The following VWCE variants were observed in gnomAD, a reference collection of about 807,000 sequenced individuals.
VWCE encodes von Willebrand factor C and EGF domain-containing protein.
Under a neutral mutation model 102.9 loss-of-function variants are expected in VWCE, and 68 were observed. The observed-to-expected ratio is 0.66, with a 90% confidence interval of 0.54 to 0.81. VWCE has a LOEUF of 0.81. VWCE is among the 30% of genes least tolerant of loss of function. VWCE has a pLI of 0.00. For synonymous variants in VWCE, 497 were observed against 515.4 expected, an observed-to-expected ratio of 0.96 and a Z score of 0.48; for missense variants, 1,137 against 1,263.6, an observed-to-expected ratio of 0.90 and a Z score of 1.52.
In VWCE at chr11:61,281,907, G is replaced by T; in HGVS notation, c.666C>A (p.Asn222Lys). The T allele has an allele frequency of 6.2e-7, 1 of 1,613,226 alleles. No individual in the cohort carries two copies. Among genetic ancestry groups the T allele is most frequent in the South Asian group, 1.1e-5 (1 of 90,830 alleles). The change falls in exon 7 of 20, where the codon AAC becomes AAA. Residue 222 changes from asparagine (N) to lysine (K), a missense_variant. Around this residue, in one of 5 missense-constraint regions of VWCE, gnomAD observed 575 missense variants for 625.9 expected, o/e 0.92. Coordinates refer to ENST00000335613, the MANE Select transcript of VWCE (RefSeq NM_152718.2). ...GCCTCTCCAATGGCCTCCGACACTC[G>T]TTTACATCTGCGGGAGAGCCTCGCT... ...HGNRHSCVDV[N>K]ECRRPLERRV...
At position 61,273,224 on chromosome 11, in the gene VWCE, G is replaced by T; in HGVS notation, c.1674C>A (p.Thr558=). 6.2e-7 allele frequency: 1 copy of T among 1,613,884 alleles called. No individual in the cohort carries two copies. The highest frequency in any genetic ancestry group is 8.5e-7 in the Non-Finnish European group (1 of 1,179,962). Residue 558 remains threonine, a synonymous_variant, in exon 13 of 20, where the codon ACC becomes ACA. Coordinates refer to ENST00000335613, the MANE Select transcript of VWCE (RefSeq NM_152718.2). Reference sequence around the variant, plus strand: ...CTGTCGAGGGTGTGGGCTCCTGGCAGGTGAAGCAACACTGCCCAGGGCCCA... The same window carrying T: ...CTGTCGAGGGTGTGGGCTCCTGGCATGTGAAGCAACACTGCCCAGGGCCCA... ...WRLGPGQCCF[T]CQEPTPSTGC... is the part of the protein sequence containing the mutation.
Position 61,280,878 on chromosome 11 carries a change from C to A in VWCE, c.1145G>T (p.Gly382Val). The stretch of plus-strand genomic sequence containing the variant: ...TCCCAGGTGCCAGCAGGGAGAGGGC[C>A]CTGCTGCCAGTCGGGGGGACTCAGG... ...RGPESPRLAA[G>V]PSPCWHLGAM... The change falls in exon 8 of 20, where the codon GGG (glycine) becomes GTG (valine). Residue 382 changes from glycine to valine, a missense_variant. This residue lies in a region of VWCE where 575 missense variants were observed against 625.9 expected (regional missense o/e 0.92). Coordinates refer to ENST00000335613, the MANE Select transcript of VWCE (RefSeq NM_152718.2). 4 of 1,534,546 alleles carry A rather than the reference C, an allele frequency of 2.6e-6. No individual in the cohort carries two copies. The highest frequency in any genetic ancestry group is 2.6e-5 in the South Asian group (2 of 77,408).
In VWCE at chr11:61,281,920, G is replaced by A; in HGVS notation, c.659-6C>T. ...CCTCCGACACTCGTTTACATCTGCG[G>A]GAGAGCCTCGCTGCGGACAGCTGCT... On this transcript the variant is annotated splice_polypyrimidine_tract_variant and splice_region_variant and intron_variant, in intron 6 of 19. Transcript: ENST00000335613. 2 of 1,611,006 alleles carry A rather than the reference G, an allele frequency of 1.2e-6. No homozygotes were observed. The highest frequency in any genetic ancestry group is 1.7e-6 in the Non-Finnish European group (2 of 1,177,928).
intron 15 of VWCE, among the ~76,000 whole-genome samples, chr11:61,268,049 GT>G (rs1854563784): frequency 6.6e-6 from 1 of 151,744 alleles, no homozygotes; most frequent in Admixed American, 6.6e-5. Context: ...GTAAAAGCAG[GT>G]GATGAGACAG....
At chr11:61,283,779 C>T (rs1039210231) in intron 5 of VWCE, among the ~76,000 whole-genome samples, 3 of 152,202 alleles carry the variant, frequency 2.0e-5, no homozygotes, top group Non-Finnish European at 4.4e-5. Flanking sequence ...CTGTCTGCCT[C>T]GAATGCCTTT....
intron 11 of VWCE, among the ~76,000 whole-genome samples, chr11:61,276,061 T>C (rs185213807): frequency 6.6e-6 from 1 of 152,208 alleles, no homozygotes; most frequent in Admixed American, 6.5e-5. Context: ...ACTCCTCCAC[T>C]CACCCCACTC....
chr11:61,290,220 T>C (rs995014560), intron 4 of VWCE, among the ~76,000 whole-genome samples: 1 of 152,068 alleles, frequency 6.6e-6, no homozygotes, highest in African/African-American at 2.4e-5. Flanking sequence ...ATTCAGAAAC[T>C]CCCTAATGGG....
intron 14 of VWCE, among the ~76,000 whole-genome samples, chr11:61,271,002 T>C (rs1854677004): frequency 6.7e-6 from 1 of 150,204 alleles, no homozygotes; most frequent in Non-Finnish European, 1.5e-5. Context: ...TGTCACTACA[T>C]GCAGCTAATT....
At position 61,270,825 on chromosome 11, in the gene VWCE, C is replaced by CTT. The variant is rs1243630767; in HGVS notation, c.1785+848_1785+849dup. Among the ~76,000 whole-genome samples the CTT allele has an allele frequency of 8.5e-3, 1,144 of 134,230 alleles. 29 individuals carry two copies. The highest frequency in any genetic ancestry group is 0.029 in the African/African-American group (1,042 of 35,498). 88.1% of individuals were successfully genotyped at this position (134,230 alleles called of 152,430 possible). On this transcript the variant is annotated intron_variant, in intron 14 of 19. Coordinates refer to ENST00000335613, the MANE Select transcript of VWCE (RefSeq NM_152718.2). ...GCACATGCACACTGTGTTACACACACTTTTTTTTTTTTTTTTTTTTGAAAC... is the reference window on the plus strand; with the variant it reads ...GCACATGCACACTGTGTTACACACACTTTTTTTTTTTTTTTTTTTTTTGAAAC...
At position 61,259,035 on chromosome 11, in the gene VWCE, C is replaced by T. The variant is rs1288730446; in HGVS notation, c.2508G>A (p.Gly836=). The part of the protein sequence containing the change: ...LALGLTATFP[G]EPGASPRLSP... ...AGAGTCGAGGGGAGGCCCCAGGCTC[C>T]CCTGGGAAAGTGGCTGTCAGCCCCA... Residue 836 remains glycine, a synonymous_variant, in exon 20 of 20, where the codon GGG becomes GGA. Coordinates refer to ENST00000335613, the MANE Select transcript of VWCE (RefSeq NM_152718.2). The T allele has an allele frequency of 1.2e-6, 2 of 1,613,756 alleles. No individual in the cohort carries two copies. Among genetic ancestry groups the T allele is most frequent in the Non-Finnish European group, 1.7e-6 (2 of 1,179,866 alleles).
intron 4 of VWCE, among the ~76,000 whole-genome samples, chr11:61,286,797 A>G: frequency 7.3e-6 from 1 of 136,324 alleles, no homozygotes; most frequent in Non-Finnish European, 1.6e-5. Flanking sequence ...GCAAAACTCC[A>G]TCTCAGGAAA....
intron 12 of VWCE, 57 bp from the exon 13 acceptor site, chr11:61,273,373 G>T: frequency 1.3e-6 from 2 of 1,516,506 alleles, no homozygotes; most frequent in African/African-American, 1.4e-5. Context: ...GGGGACCATG[G>T]AGAGCTAGAG....
At chr11:61,286,102 C>T (rs534545194) in intron 5 of VWCE, among the ~76,000 whole-genome samples, 2 of 152,314 alleles carry the variant, frequency 1.3e-5, no homozygotes, top group African/African-American at 4.8e-5. Flanking sequence ...CAAACTCTGA[C>T]TCCACCTCTT....
intron 7 of VWCE, 132 bp from the exon 8 acceptor site, chr11:61,281,367 G>A: frequency 2.7e-6 from 3 of 1,094,220 alleles, no homozygotes; most frequent in Non-Finnish European, 3.9e-6. Context: ...ATTCTACTAT[G>A]TTTATGGGGA....
rs1287714614 is a variant in VWCE at position 61,258,593 on chromosome 11, T to C, written c.*82A>G. The C allele has an allele frequency of 1.6e-6, 2 of 1,287,664 alleles. No homozygotes were observed. The highest frequency in any genetic ancestry group is 1.5e-5 in the African/African-American group (1 of 65,784). The allele number at this position is 1,287,664 out of a possible 1,614,324, so 79.8% of individuals were successfully genotyped here. On this transcript the variant is annotated 3_prime_UTR_variant, in exon 20 of 20. Coordinates refer to ENST00000335613, the MANE Select transcript of VWCE (RefSeq NM_152718.2). ...GGGAGCCCAGGCATCCCCACCAGGTTCATCCTTGGAGCTGCCCTGCACACA... is the reference window on the plus strand; with the variant it reads ...GGGAGCCCAGGCATCCCCACCAGGTCCATCCTTGGAGCTGCCCTGCACACA...
At chr11:61,291,655 T>C in intron 1 of VWCE, 79 bp from the exon 2 acceptor site, 1 of 1,182,490 alleles carries the variant, frequency 8.5e-7, no homozygotes, top group Non-Finnish European at 1.1e-6. Flanking sequence ...CCAGCCAGTG[T>C]GTAAGTGAAT....
chr11:61,276,549 T>TA (rs71471819), intron 11 of VWCE, 44 bp downstream of exon 11: 74,013 of 1,128,404 alleles, frequency 0.066, 5 homozygotes, highest in Non-Finnish European at 0.07. Flanking sequence ...ACAAAAAATC[T>TA]AAAAAAAAAA....
At chr11:61,286,216 C>A in intron 5 of VWCE, 98 bp downstream of exon 5, 1 of 1,146,408 alleles carries the variant, frequency 8.7e-7, no homozygotes, top group Non-Finnish European at 1.3e-6. Context: ...AATGCAGTGG[C>A]ACACAGAGCA....
intron 5 of VWCE, among the ~76,000 whole-genome samples, chr11:61,283,247 T>G (rs897743959): frequency 5.3e-5 from 8 of 152,152 alleles, no homozygotes; most frequent in African/African-American, 1.9e-4. Flanking sequence ...ATCAGGGCCC[T>G]TCTGCTCAAA....
Sources: gnomAD v4.1 joint callset for allele counts (sites outside exome capture counted in the v4.1 genomes callset) on GRCh38, gnomAD v4.1.1 for gene constraint, gnomAD v4.1.1 regional missense constraint, MANE v1.5 for transcripts, NCBI Gene and HGNC (gene_info 2026-07-23, HGNC 2026-07-21) for gene names.